SAMD3: variants seen among roughly 807,000 people sequenced by gnomAD.
SAMD3 encodes the protein sterile alpha motif domain containing 3.
Under a neutral mutation model 58.5 loss-of-function variants are expected in SAMD3, and 63 were observed. The observed-to-expected ratio is 1.08, with a 90% CI of 0.88 to 1.33. The LOEUF (loss-of-function observed/expected upper bound fraction) is 1.33. Ranked by LOEUF, SAMD3 falls within the 40% of genes most tolerant of loss-of-function variation. The probability of loss-of-function intolerance (pLI) is 0.00; values close to 1 mark genes in which losing one functional copy is unlikely to be tolerated. For synonymous variants in SAMD3, 220 were observed against 210.3 expected (o/e 1.05, Z -0.40); for missense variants, 604 against 608.4 (o/e 0.99, Z 0.08).
intron 2 of SAMD3, among the ~76,000 whole-genome samples, chr6:130,288,112 T>C (rs1447023280): frequency 2.6e-5 from 4 of 152,136 alleles, no homozygotes; most frequent in African/African-American, 9.7e-5. Context: ...CCCAAGAAAG[T>C]AGATGAGGAT....
At chr6:130,194,353 C>G (rs1323810312) in intron 5 of SAMD3, among the ~76,000 whole-genome samples, 2 of 152,194 alleles carry the variant, frequency 1.3e-5, no homozygotes, top group African/African-American at 2.4e-5. Context: ...AAAAGGCTGT[C>G]TTATTCTCAA....
Position 130,145,343 on chromosome 6 carries a change from T to C in SAMD3, c.1275A>G (p.Glu425=). ...DDPSLFVIMN[E]QVQVSTPVLE... is the part of the protein sequence containing the mutation. ...TGGCCATTCACATACTACATACCTG[T>C]TCATTCATGATGACAAAAAGGCTGG... The change falls in exon 11 of 12, where the codon GAA becomes GAG. Residue 425 remains glutamate, a synonymous_variant. Coordinates refer to ENST00000439090, the MANE Select transcript of SAMD3 (RefSeq NM_001017373.4). 1 of 1,596,906 alleles carries C rather than the reference T, an allele frequency of 6.3e-7. No homozygotes were observed. Among genetic ancestry groups the C allele is most frequent in the Non-Finnish European group, 8.6e-7 (1 of 1,165,916 alleles).
intron 9 of SAMD3, 105 bp downstream of exon 9, chr6:130,154,720 T>A (rs9321213): frequency 0.027 from 2,468 of 92,526 alleles, 42 homozygotes; most frequent in Non-Finnish European, 0.029. Flanking sequence ...AAAAAAAAAA[T>A]ATATATATAT....
intron 1 of SAMD3, among the ~76,000 whole-genome samples, chr6:130,221,010 C>A (rs543993198): frequency 6.6e-6 from 1 of 152,132 alleles, no homozygotes; most frequent in African/African-American, 2.4e-5. Flanking sequence ...CCCACCACCA[C>A]GCCCAGCTAA....
upstream of SAMD3, among the ~76,000 whole-genome samples, chr6:130,223,641 G>A (rs1055099836): frequency 6.6e-6 from 1 of 152,156 alleles, no homozygotes; most frequent in African/African-American, 2.4e-5. Context: ...TCTTCTTAAT[G>A]CAGTGTGACT....
chr6:130,337,838 GT>G (rs1173662624), intron 1 of SAMD3, among the ~76,000 whole-genome samples: 1 of 152,164 alleles, frequency 6.6e-6, no homozygotes, highest in Non-Finnish European at 1.5e-5. Context: ...TGGAACTCAT[GT>G]TTAAGAGGGA....
At chr6:130,288,315 AG>A (rs1775236866) in intron 2 of SAMD3, among the ~76,000 whole-genome samples, 1 of 152,148 alleles carries the variant, frequency 6.6e-6, no homozygotes, top group Admixed American at 6.5e-5. Flanking sequence ...TGCAGTCTCA[AG>A]TTTGAAGGCA....
At position 130,260,433 on chromosome 6, in the gene SAMD3, T is replaced by G. The variant is rs567799115; in HGVS notation, c.-187-37620A>C. On this transcript the variant is annotated intron_variant, in intron 2 of 13. Coordinates refer to the SAMD3 transcript ENST00000368134. The stretch of plus-strand genomic sequence containing the variant: ...ACGTACCTCTTGCTTGCTCAGTTGA[T>G]CACGACCCTCTCTCACGGACCCCCA... 1.1e-4 allele frequency among the ~76,000 whole-genome samples: 17 copies of G among 152,316 alleles called. 1 individual carries two copies. In the South Asian group the frequency reaches 3.5e-3, roughly 32 times the overall value.
At chr6:130,244,028 A>G (rs1054731515) in intron 2 of SAMD3, among the ~76,000 whole-genome samples, 11 of 152,228 alleles carry the variant, frequency 7.2e-5, no homozygotes, top group African/African-American at 2.2e-4. Context: ...AATTTTAATC[A>G]GTTTGCAAAT....
chr6:130,263,945 A>G (rs1004146621), intron 2 of SAMD3, among the ~76,000 whole-genome samples: 1 of 152,164 alleles, frequency 6.6e-6, no homozygotes, highest in Non-Finnish European at 1.5e-5. Context: ...CAGTTTTTGT[A>G]ATTTCCTAAA....
intron 9 of SAMD3, among the ~76,000 whole-genome samples, chr6:130,151,252 C>T (rs1789142085): frequency 3.2e-5 from 1 of 31,408 alleles, no homozygotes; most frequent in Non-Finnish European, 7.4e-5. Context: ...AAAACTGAGG[C>T]ACATCTTATG....
intron 1 of SAMD3, among the ~76,000 whole-genome samples, chr6:130,320,028 AT>A (rs1221321473): frequency 1.3e-5 from 2 of 152,068 alleles, no homozygotes; most frequent in African/African-American, 4.8e-5. Context: ...CCCCCAACAC[AT>A]TAAAAAATTG....
At chr6:130,324,341 G>C (rs1020434909) in intron 1 of SAMD3, among the ~76,000 whole-genome samples, 2 of 152,102 alleles carry the variant, frequency 1.3e-5, no homozygotes, top group Non-Finnish European at 2.9e-5. Flanking sequence ...CTCGAATTTG[G>C]CAAAAGCCAT....
intron 8 of SAMD3, chr6:130,160,498 G>A (rs1182530478): frequency 6.6e-6 from 1 of 152,174 alleles, no homozygotes; most frequent in Non-Finnish European, 1.5e-5. Context: ...CAGATTTTAA[G>A]GGATAATAGA....
chr6:130,215,587 G>A, intron 2 of SAMD3: 1 of 1,355,460 alleles, frequency 7.4e-7, no homozygotes, highest in South Asian at 2.1e-5. Flanking sequence ...CAGACAGCCA[G>A]GGACATACAA....
intron 2 of SAMD3, among the ~76,000 whole-genome samples, chr6:130,253,088 G>A (rs570654561): frequency 1.3e-5 from 2 of 152,290 alleles, no homozygotes; most frequent in South Asian, 4.1e-4. Flanking sequence ...GTGAAGTTCA[G>A]TTCATATTGT....
At chr6:130,160,948 T>G (rs1790228779) in intron 8 of SAMD3, 1 of 151,940 alleles carries the variant, frequency 6.6e-6, no homozygotes, top group Non-Finnish European at 1.5e-5. Context: ...TACAGAGGAT[T>G]TATTCAAATA....
chr6:130,279,430 A>G (rs1774903395), intron 2 of SAMD3, among the ~76,000 whole-genome samples: 1 of 150,884 alleles, frequency 6.6e-6, no homozygotes, highest in Non-Finnish European at 1.5e-5. Context: ...GCCTTCCTCC[A>G]TGATTGTAAG....
At chr6:130,344,469 C>T (rs1777379786) in intron 1 of SAMD3, among the ~76,000 whole-genome samples, 1 of 152,176 alleles carries the variant, frequency 6.6e-6, no homozygotes, top group African/African-American at 2.4e-5. Flanking sequence ...GCAACCTCCG[C>T]CTCCCAGGTT....
Sources: allele counts gnomAD v4.1 joint callset (sites outside exome capture counted in the v4.1 genomes callset), GRCh38; gene constraint gnomAD v4.1.1; transcripts MANE v1.5; gene names NCBI Gene and HGNC (gene_info 2026-07-23, HGNC 2026-07-21).